EPHB2: variants seen among roughly 807,000 people sequenced by gnomAD.
The protein encoded by EPHB2 is ephrin type-B receptor 2.
In EPHB2, 18 loss-of-function variants were observed where a neutral mutation model predicts 96.4. That is an observed-to-expected ratio of 0.19 (90% CI 0.13 to 0.28). The LOEUF is 0.28. EPHB2 is among the 10% of genes least tolerant of loss of function. The pLI is 1.00. For synonymous variants in EPHB2, 506 were observed against 534.1 expected, an observed-to-expected ratio of 0.95 and a Z score of 0.72; for missense variants, 989 against 1,355.4, an observed-to-expected ratio of 0.73 and a Z score of 4.25.
intron 3 of EPHB2, among the ~76,000 whole-genome samples, chr1:22,812,185 G>A (rs932630712): frequency 6.6e-6 from 1 of 152,210 alleles, no homozygotes; most frequent in Admixed American, 6.5e-5. Context: ...TGAAATTGTA[G>A]TGAATGTAGG....
chr1:22,816,886 C>T (rs991559346), intron 3 of EPHB2, among the ~76,000 whole-genome samples: 1 of 152,214 alleles, frequency 6.6e-6, no homozygotes, highest in African/African-American at 2.4e-5. Flanking sequence ...CTGGCCAGGA[C>T]GTCGACCACT....
At chr1:22,794,522 C>T (rs1446200117) in intron 3 of EPHB2, among the ~76,000 whole-genome samples, 3 of 152,184 alleles carry the variant, frequency 2.0e-5, no homozygotes, top group Non-Finnish European at 4.4e-5. Flanking sequence ...GACTAGGAAA[C>T]TGAGACTTGG....
chr1:22,870,002 C>T (rs944334449), intron 5 of EPHB2, among the ~76,000 whole-genome samples: 6 of 152,046 alleles, frequency 3.9e-5, no homozygotes, highest in African/African-American at 1.4e-4. Context: ...TTCGGAGAAG[C>T]GTGGGGTGAG....
chr1:22,776,872 G>A (rs776183500), intron 1 of EPHB2, among the ~76,000 whole-genome samples: 4 of 152,224 alleles, frequency 2.6e-5, no homozygotes, highest in Admixed American at 2.0e-4. Context: ...TGGCAGATGG[G>A]GAGAGGAGGC....
At chr1:22,831,753 A>G (rs1645307168) in intron 3 of EPHB2, among the ~76,000 whole-genome samples, 1 of 152,044 alleles carries the variant, frequency 6.6e-6, no homozygotes, top group Non-Finnish European at 1.5e-5. Flanking sequence ...GGAGATGCTG[A>G]CCTGGGCTTC....
In EPHB2 at chr1:22,846,624, A is replaced by G. The variant is rs1645547586; in HGVS notation, c.812-16413A>G. 6.6e-6 allele frequency among the ~76,000 whole-genome samples: 1 copy of G among 152,072 alleles called. No individual in the cohort carries two copies. Among genetic ancestry groups the G allele is most frequent in the Non-Finnish European group, 1.5e-5 (1 of 67,992 alleles). ...CCTCGTGTCCTGCATCTCTGCAACC[A>G]TAGACTCTGGGTTCCAGCTGCCTCA... On this transcript the variant is annotated intron_variant, in intron 3 of 15. Coordinates refer to ENST00000374630, the MANE Select transcript of EPHB2 (RefSeq NM_017449.5). This position sits in a 1 kb window ranked among gnomAD's most constrained non-coding sequence, Gnocchi z 4.3.
chr1:22,879,630 A>G (rs1638966439), intron 5 of EPHB2, among the ~76,000 whole-genome samples: 1 of 152,216 alleles, frequency 6.6e-6, no homozygotes, highest in African/African-American at 2.4e-5. Context: ...ACCTTGGGGA[A>G]GTCACTGTGC....
intron 3 of EPHB2, among the ~76,000 whole-genome samples, chr1:22,791,296 G>A (rs1455833980): frequency 6.6e-6 from 1 of 151,892 alleles, no homozygotes. Context: ...CAAAAAGGAA[G>A]AAATTAAAAT....
At chr1:22,877,408 C>T (rs1638877198) in intron 5 of EPHB2, among the ~76,000 whole-genome samples, 1 of 152,180 alleles carries the variant, frequency 6.6e-6, no homozygotes, top group Non-Finnish European at 1.5e-5. Flanking sequence ...CACCATGGGG[C>T]ATACGGGGGT....
At chr1:22,815,450 G>A (rs918237434) in intron 3 of EPHB2, among the ~76,000 whole-genome samples, 7 of 152,194 alleles carry the variant, frequency 4.6e-5, no homozygotes, top group Admixed American at 1.3e-4. Context: ...CCCTGGCTCC[G>A]AGTTCAGTGC....
chr1:22,790,483 G>C lies in EPHB2; in HGVS notation c.811+5407G>C, dbSNP rs886568438. ...AATGCCTTCTTTGCAGCAGCTGCCC[G>C]CACCCAAGTCTGTTTCTCTGACTCT... On this transcript the variant is annotated intron_variant, in intron 3 of 15. Transcript: ENST00000374630. The surrounding 1 kb of genome is among the most constrained non-coding windows in gnomAD (Gnocchi z 4.0). Among the ~76,000 whole-genome samples, 1 of 152,114 alleles carries C rather than the reference G, an allele frequency of 6.6e-6. No homozygotes were observed. The highest frequency in any genetic ancestry group is 1.5e-5 in the Non-Finnish European group (1 of 68,022).
At chr1:22,816,737 G>T (rs552928693) in intron 3 of EPHB2, among the ~76,000 whole-genome samples, 2 of 152,328 alleles carry the variant, frequency 1.3e-5, no homozygotes, top group South Asian at 4.1e-4. Context: ...TCCCAGGGTG[G>T]TCATGAAGGT....
chr1:22,873,133 C>T (rs988230741), intron 5 of EPHB2, among the ~76,000 whole-genome samples: 47 of 152,226 alleles, frequency 3.1e-4, no homozygotes, highest in African/African-American at 1.1e-3. Context: ...ACAAAGCCGA[C>T]AGCATGGAAC....
At chr1:22,778,601 A>C (rs889649090) in intron 1 of EPHB2, among the ~76,000 whole-genome samples, 8 of 152,194 alleles carry the variant, frequency 5.3e-5, no homozygotes, top group Non-Finnish European at 8.8e-5. Context: ...GGAGCAGAGG[A>C]GATGCCGGCC....
At chr1:22,778,751 TAGA>T (rs777124707) in intron 1 of EPHB2, among the ~76,000 whole-genome samples, 8 of 152,140 alleles carry the variant, frequency 5.3e-5, no homozygotes, top group Non-Finnish European at 5.9e-5. Flanking sequence ...CCAGGAGAGG[TAGA>T]AGACACAGGG....
rs184578385 is a variant in EPHB2, at chr1:22,840,587, A to G, written c.812-22450A>G. ...GCGATTCTCGTGCCTCAGCCTCCCA[A>G]GTAGCTGTGATTACAGGCACACACA... is the stretch of plus-strand genomic sequence containing the variant. On this transcript the variant is annotated intron_variant, in intron 3 of 15. Coordinates refer to ENST00000374630, the MANE Select transcript of EPHB2 (RefSeq NM_017449.5). Among the ~76,000 whole-genome samples the G allele has an allele frequency of 1.2e-4, 18 of 152,266 alleles. No individual in the cohort carries two copies. In the East Asian group the frequency reaches 3.3e-3, roughly 28 times the overall value.
intron 3 of EPHB2, among the ~76,000 whole-genome samples, chr1:22,802,661 C>G (rs1056633320): frequency 1.3e-5 from 2 of 152,074 alleles, no homozygotes; most frequent in African/African-American, 4.8e-5. Flanking sequence ...CACCACCCAG[C>G]CCCACCCCCA....
chr1:22,760,291 C>T (rs1644217074), intron 1 of EPHB2, among the ~76,000 whole-genome samples: 1 of 152,034 alleles, frequency 6.6e-6, no homozygotes, highest in Non-Finnish European at 1.5e-5. Flanking sequence ...GACCTTGTAG[C>T]CAGGTCCTGA....
chr1:22,762,651 G>T (rs545058605), intron 1 of EPHB2, among the ~76,000 whole-genome samples: 1 of 152,184 alleles, frequency 6.6e-6, no homozygotes. Flanking sequence ...TGGAAATGAG[G>T]ATGATTTAGG....
Sources: gnomAD v4.1 joint callset for allele counts (sites outside exome capture counted in the v4.1 genomes callset) on GRCh38, gnomAD v4.1.1 for gene constraint, Gnocchi (gnomAD v3.1) non-coding constraint, MANE v1.5 for transcripts, NCBI Gene and HGNC (gene_info 2026-07-23, HGNC 2026-07-21) for gene names.